Variants in M1AP observed in about 807,000 individuals in gnomAD.
M1AP encodes the protein meiosis 1 arrest protein.
M1AP carries 39 observed loss-of-function variants against 51.2 expected under a neutral mutation model. The ratio of observed to expected loss-of-function variants is 0.76; its 90% CI spans 0.59 to 1.00. The LOEUF (loss-of-function observed/expected upper bound fraction) is 1.00, where lower values mean the gene tolerates loss of function less well. M1AP is among the 50% of genes least tolerant of loss of function. The pLI is 0.00. For synonymous variants in M1AP, 251 were observed against 249.2 expected, an observed-to-expected ratio of 1.01 and a Z score of -0.07; for missense variants, 545 against 641.2, an observed-to-expected ratio of 0.85 and a Z score of 1.62.
chr2:74,643,729 C>T lies in M1AP; in HGVS notation c.-52-3402G>A, dbSNP rs141116956. Among the ~76,000 whole-genome samples the T allele has an allele frequency of 1.3e-3, 201 of 151,906 alleles. 6 individuals carry two copies. In the East Asian group the frequency reaches 0.038, roughly 28 times the overall value. On this transcript the variant is annotated intron_variant, in intron 1 of 10. Coordinates refer to ENST00000421985, the MANE Select transcript of M1AP (RefSeq NM_001321739.2). ...CCACCTCAGCCTCCTAAGTACCTGG[C>T]ACTACAGGCATGCACCACAATGCCT...
intron 1 of M1AP, chr2:74,648,029 T>C: frequency 3.0e-6 from 3 of 985,450 alleles, no homozygotes; most frequent in South Asian, 4.7e-5. Flanking sequence ...CGGAGGAAGC[T>C]CCGGGCCCAG....
chr2:74,609,397 T>C lies in M1AP; in HGVS notation c.427-2174A>G, dbSNP rs80278558. ...TCACAAACAACAGGCTTTTATTCTT[T>C]CTTATGAAGGAATGGTATTCCAATG... On this transcript the variant is annotated intron_variant, in intron 3 of 10. Transcript: ENST00000421985. Among the ~76,000 whole-genome samples, 3,708 of 152,318 alleles carry C rather than the reference T, an allele frequency of 0.024. 419 individuals are homozygous for C. The East Asian group carries it at 0.32, about 13-fold the overall frequency.
chr2:74,628,680 A>G (rs534316355), intron 2 of M1AP: 1 of 693,550 alleles, frequency 1.4e-6, no homozygotes, highest in South Asian at 1.3e-5. Flanking sequence ...ACATAGGCCA[A>G]CCATTAGTCT....
chr2:74,604,384 T>G (rs1032200610), intron 4 of M1AP, among the ~76,000 whole-genome samples: 1 of 152,256 alleles, frequency 6.6e-6, no homozygotes, highest in African/African-American at 2.4e-5. Flanking sequence ...AAGACAATTT[T>G]TCCACAGATG....
At chr2:74,593,842 G>C (rs1033088175) in intron 4 of M1AP, among the ~76,000 whole-genome samples, 1 of 152,212 alleles carries the variant, frequency 6.6e-6, no homozygotes, top group African/African-American at 2.4e-5. Flanking sequence ...ACAATAGTGT[G>C]AAGGCAGCTA....
intron 9 of M1AP, 100 bp downstream of exon 9, chr2:74,560,050 TG>T: frequency 7.7e-6 from 10 of 1,291,526 alleles, no homozygotes; most frequent in Non-Finnish European, 9.6e-6. Flanking sequence ...CTCCCTTGGA[TG>T]GGGGCGGTGT....
intron 2 of M1AP, among the ~76,000 whole-genome samples, chr2:74,636,955 A>T (rs370916695): frequency 6.6e-6 from 1 of 152,094 alleles, no homozygotes; most frequent in African/African-American, 2.4e-5. Flanking sequence ...TGTGCATGGC[A>T]TTCATTGATT....
chr2:74,639,165 T>C (rs945788961), intron 2 of M1AP, among the ~76,000 whole-genome samples: 1 of 152,228 alleles, frequency 6.6e-6, no homozygotes, highest in African/African-American at 2.4e-5. Context: ...TTATTTTCAT[T>C]CTTTATAGTA....
intron 7 of M1AP, among the ~76,000 whole-genome samples, chr2:74,573,827 C>T (rs944099342): frequency 1.3e-5 from 2 of 152,080 alleles, no homozygotes; most frequent in Non-Finnish European, 2.9e-5. Flanking sequence ...GGAAAATTTA[C>T]ATCCTCTCTA....
In M1AP at chr2:74,561,093, GGAGA is replaced by G. The variant is rs1423840644; in HGVS notation, c.1282-806_1282-803del. Among the ~76,000 whole-genome samples, 11 of 89,602 alleles carry G rather than the reference GGAGA, an allele frequency of 1.2e-4. No individual in the cohort carries two copies. The East Asian group carries it at 1.3e-3, about 11-fold the overall frequency. The allele number at this position is 89,602 out of a possible 152,430, so 58.8% of individuals were successfully genotyped here. On this transcript the variant is annotated intron_variant, in intron 8 of 10. Coordinates refer to ENST00000421985, the MANE Select transcript of M1AP (RefSeq NM_001321739.2). ...AGGAGGAGGAGGAGGAGGAGGAGAAGGAGAAGGAGGAGGAGGAGAAGGAGGAGGA... is the reference window on the plus strand; with the variant it reads ...AGGAGGAGGAGGAGGAGGAGGAGAAGAGGAGGAGGAGGAGAAGGAGGAGGA...
intron 4 of M1AP, among the ~76,000 whole-genome samples, chr2:74,583,078 A>AAAAC (rs200154429): frequency 2.6e-5 from 4 of 151,898 alleles, no homozygotes; most frequent in Non-Finnish European, 4.4e-5. Flanking sequence ...ATCCACTGTA[A>AAAAC]AAACAAACAA....
At chr2:74,620,133 C>G (rs1185446139) in intron 2 of M1AP, among the ~76,000 whole-genome samples, 1 of 152,116 alleles carries the variant, frequency 6.6e-6, no homozygotes, top group Non-Finnish European at 1.5e-5. Context: ...CAGTCCCCAC[C>G]TAATAGTGGG....
At chr2:74,560,402 G>T (rs1206519900) in intron 8 of M1AP, 111 bp from the exon 9 acceptor site, 29 of 1,183,548 alleles carry the variant, frequency 2.5e-5, no homozygotes, top group Non-Finnish European at 3.1e-5. Context: ...AAACCCCAGG[G>T]CTGCCATGAA....
intron 7 of M1AP, among the ~76,000 whole-genome samples, chr2:74,567,386 G>A (rs1678459266): frequency 6.6e-6 from 1 of 152,186 alleles, no homozygotes; most frequent in East Asian, 1.9e-4. Flanking sequence ...ATTGAGTAGT[G>A]AATATATTTC....
intron 4 of M1AP, among the ~76,000 whole-genome samples, chr2:74,592,167 A>T (rs1348098159): frequency 6.6e-6 from 1 of 152,106 alleles, no homozygotes; most frequent in South Asian, 2.1e-4. Flanking sequence ...GACTCTGTGT[A>T]TATACATGCA....
chr2:74,596,804 G>A (rs901868263), intron 4 of M1AP, among the ~76,000 whole-genome samples: 11 of 152,030 alleles, frequency 7.2e-5, no homozygotes, highest in South Asian at 2.1e-4. Flanking sequence ...AAAAGAAAAC[G>A]CACTACTGAT....
chr2:74,562,625 C>A (rs953741422), intron 7 of M1AP, among the ~76,000 whole-genome samples: 2 of 152,002 alleles, frequency 1.3e-5, no homozygotes, highest in African/African-American at 4.8e-5. Context: ...TTGAGATATG[C>A]CAGAGAGAGT....
rs958875508 is a variant in M1AP at position 74,574,803 on chromosome 2, C to G, written c.1074+635G>C. Among the ~76,000 whole-genome samples the G allele has an allele frequency of 4.6e-5, 7 of 152,184 alleles. 1 individual carries two copies. The highest frequency in any genetic ancestry group is 1.7e-4 in the African/African-American group (7 of 41,438). Reference sequence around the variant, plus strand: ...GATTTTTCTCTCAGCTCTTTCCAGCCTTAGGGTCTTTGCACATGCCTTTCC... The same window carrying G: ...GATTTTTCTCTCAGCTCTTTCCAGCGTTAGGGTCTTTGCACATGCCTTTCC... On this transcript the variant is annotated intron_variant, in intron 7 of 10. Coordinates refer to ENST00000421985, the MANE Select transcript of M1AP (RefSeq NM_001321739.2).
At chr2:74,569,541 A>G (rs1214269657) in intron 7 of M1AP, among the ~76,000 whole-genome samples, 1 of 151,794 alleles carries the variant, frequency 6.6e-6, no homozygotes, top group Admixed American at 6.6e-5. Context: ...CCCCCAGCTA[A>G]TTTTTGTATT....
Sources: allele counts gnomAD v4.1 joint callset (sites outside exome capture counted in the v4.1 genomes callset), GRCh38; gene constraint gnomAD v4.1.1; transcripts MANE v1.5; gene names NCBI Gene and HGNC (gene_info 2026-07-23, HGNC 2026-07-21).